SULF1: variants seen among roughly 807,000 people sequenced by gnomAD.
The protein encoded by SULF1 is extracellular sulfatase Sulf-1.
Under a neutral mutation model 110.5 loss-of-function variants are expected in SULF1, and 46 were observed. The observed-to-expected ratio is 0.42, with a 90% CI of 0.33 to 0.53. SULF1 has a LOEUF of 0.53. SULF1 is among the 20% of genes least tolerant of loss of function. The pLI, the probability that SULF1 is intolerant of heterozygous loss-of-function variation, is 0.12. For missense variants in SULF1, 941 were observed against 1,094.2 expected, an observed-to-expected ratio of 0.86 and a Z score of 1.98; for synonymous variants, 371 against 387.1, an observed-to-expected ratio of 0.96 and a Z score of 0.49.
chr8:69,567,714 C>T (rs531205104), intron 5 of SULF1, among the ~76,000 whole-genome samples: 5 of 152,318 alleles, frequency 3.3e-5, no homozygotes, highest in Admixed American at 1.3e-4. Flanking sequence ...ATATGTACCA[C>T]ATTTTTTTAA....
intron 22 of SULF1, among the ~76,000 whole-genome samples, chr8:69,652,297 T>C (rs1242247370): frequency 2.0e-5 from 3 of 152,212 alleles, no homozygotes; most frequent in Admixed American, 2.0e-4. Context: ...AAGGAACTTG[T>C]CCATAGTTTC....
chr8:69,627,068 A>T, intron 15 of SULF1, 142 bp from the exon 16 acceptor site: 1 of 636,252 alleles, frequency 1.6e-6, no homozygotes, highest in Non-Finnish European at 2.8e-6. Context: ...ATTCCCATTG[A>T]TGCTGGTCTT....
chr8:69,653,165 G>T (rs1224778330), intron 22 of SULF1, among the ~76,000 whole-genome samples: 1 of 152,118 alleles, frequency 6.6e-6, no homozygotes, highest in Non-Finnish European at 1.5e-5. Context: ...AGCCTCCTGG[G>T]TTCCAGTGAT....
At chr8:69,484,862 T>TCTTCTTC (rs150917549) in intron 1 of SULF1, among the ~76,000 whole-genome samples, 2 of 141,938 alleles carry the variant, frequency 1.4e-5, no homozygotes, top group African/African-American at 5.3e-5. Context: ...TTCTTCTTCT[T>TCTTCTTC]TTCTTCCTCC....
At chr8:69,571,376 C>T (rs1313132701) in intron 5 of SULF1, among the ~76,000 whole-genome samples, 4 of 152,214 alleles carry the variant, frequency 2.6e-5, no homozygotes, top group East Asian at 1.9e-4. Flanking sequence ...CTCCATTTTA[C>T]AGATGAGAAA....
rs547736706 is a variant in SULF1 at position 69,653,306 on chromosome 8, G to C, written c.2586-5199G>C. On this transcript the variant is annotated intron_variant, in intron 22 of 22. Transcript: ENST00000402687. ...GCTACTGTTAAACTCCTGGGCTCACGCAATCCTCCCATCTCAGCCTCCCAG... is the reference window on the plus strand; with the variant it reads ...GCTACTGTTAAACTCCTGGGCTCACCCAATCCTCCCATCTCAGCCTCCCAG... 2.6e-5 allele frequency among the ~76,000 whole-genome samples: 4 copies of C among 152,280 alleles called. No homozygotes were observed. The South Asian group carries it at 8.3e-4, about 32-fold the overall frequency.
At chr8:69,469,893 T>A (rs1253028668) in intron 1 of SULF1, among the ~76,000 whole-genome samples, 1 of 152,052 alleles carries the variant, frequency 6.6e-6, no homozygotes, top group Non-Finnish European at 1.5e-5. Context: ...AATACAAAAA[T>A]TAGCCAGGCA....
chr8:69,501,727 T>C, intron 2 of SULF1, 147 bp from the exon 3 acceptor site: 1 of 152,246 alleles, frequency 6.6e-6, no homozygotes, highest in East Asian at 1.9e-4. Context: ...TTGCGAGTGA[T>C]TGTAAGAAAA....
chr8:69,611,633 G>GT lies in SULF1; in HGVS notation c.1377+6702dup, dbSNP rs146682903. On this transcript the variant is annotated intron_variant, in intron 13 of 22. Coordinates refer to ENST00000402687, the MANE Select transcript of SULF1 (RefSeq NM_001128205.2). ...ATTTTAAACACATGTCCACATGCAGGTAACTTTTTTATGATGTTCATGTTG... is the reference window on the plus strand; with the variant it reads ...ATTTTAAACACATGTCCACATGCAGGTTAACTTTTTTATGATGTTCATGTTG... Among the ~76,000 whole-genome samples, 124 of 152,220 alleles carry GT rather than the reference G, an allele frequency of 8.1e-4. 3 individuals carry two copies. The East Asian group carries it at 0.019, about 23-fold the overall frequency.
intron 3 of SULF1, among the ~76,000 whole-genome samples, chr8:69,515,793 A>G (rs1316466449): frequency 6.6e-6 from 1 of 152,242 alleles, no homozygotes; most frequent in East Asian, 1.9e-4. Context: ...TTCTTCTGCC[A>G]GATATCCTAA....
chr8:69,589,263 A>C, intron 8 of SULF1, 122 bp downstream of exon 8: 1 of 1,035,208 alleles, frequency 9.7e-7, no homozygotes, highest in Non-Finnish European at 1.4e-6. Flanking sequence ...TCTTCATGAA[A>C]GGATAACTTA....
chr8:69,645,356 C>T (rs1262508445), intron 22 of SULF1, among the ~76,000 whole-genome samples: 2 of 152,156 alleles, frequency 1.3e-5, no homozygotes, highest in African/African-American at 4.8e-5. Flanking sequence ...TGCAGAACTC[C>T]TTAAGATCCT....
chr8:69,629,855 A>C (rs1411263126), intron 19 of SULF1, among the ~76,000 whole-genome samples, 176 bp downstream of exon 19: 1 of 152,102 alleles, frequency 6.6e-6, no homozygotes, highest in Non-Finnish European at 1.5e-5. Context: ...GTTTTCTTTA[A>C]ATTTTTTCTG....
intron 3 of SULF1, among the ~76,000 whole-genome samples, chr8:69,550,631 G>A (rs914376806): frequency 6.6e-6 from 1 of 152,128 alleles, no homozygotes; most frequent in African/African-American, 2.4e-5. Flanking sequence ...AACCCTTTCG[G>A]TTGTGCCCAG....
intron 22 of SULF1, among the ~76,000 whole-genome samples, chr8:69,647,834 A>G (rs1474972174): frequency 2.0e-5 from 3 of 151,840 alleles, no homozygotes; most frequent in South Asian, 4.2e-4. Context: ...GGAGGTTGCA[A>G]TGAGCCAAGA....
At chr8:69,657,280 T>A (rs547278340) in intron 22 of SULF1, among the ~76,000 whole-genome samples, 7 of 152,294 alleles carry the variant, frequency 4.6e-5, no homozygotes, top group Non-Finnish European at 7.4e-5. Flanking sequence ...ATCTTTTGCT[T>A]CCTCTTTGTT....
intron 19 of SULF1, among the ~76,000 whole-genome samples, chr8:69,631,985 T>TA (rs1472767828): frequency 5.3e-5 from 8 of 152,338 alleles, no homozygotes; most frequent in African/African-American, 1.9e-4. Context: ...TTTCTCAAGA[T>TA]AAAAAACCAT....
rs1309394446 is a variant in SULF1 at position 69,638,766 on chromosome 8, G to T, written c.2459G>T (p.Gly820Val). The T allele has an allele frequency of 6.2e-6, 10 of 1,613,992 alleles. No individual in the cohort carries two copies. The highest frequency in any genetic ancestry group is 8.5e-6 in the Non-Finnish European group (10 of 1,180,024). The change falls in exon 21 of 23, where the codon GGC becomes GTC. Residue 820 changes from glycine (G) to valine (V), a missense_variant. By Grantham distance (109) the Gly-to-Val change is moderately radical (BLOSUM62 -3). Transcript: ENST00000402687. ...AATACAGTGCACACGGTAGAACGAG[G>T]CATTTTGAATCAGCTACACGTACAA... ...LTNTVHTVER[G>V]ILNQLHVQLM...
At chr8:69,627,675 T>A in intron 16 of SULF1, 97 bp from the exon 17 acceptor site, 1 of 798,942 alleles carries the variant, frequency 1.3e-6, no homozygotes, top group Non-Finnish European at 2.1e-6. Context: ...GATGAATAGC[T>A]GTTATTACAG....
Sources: gnomAD v4.1 joint callset for allele counts (sites outside exome capture counted in the v4.1 genomes callset) on GRCh38, gnomAD v4.1.1 for gene constraint, MANE v1.5 for transcripts, NCBI Gene and HGNC (gene_info 2026-07-23, HGNC 2026-07-21) for gene names.